The following NIN variants were observed in gnomAD, a reference collection of about 807,000 sequenced individuals.
NIN encodes the protein ninein.
Under a neutral mutation model 257.6 loss-of-function variants are expected in NIN, and 137 were observed. The ratio of observed to expected loss-of-function variants is 0.53; its 90% CI spans 0.46 to 0.61. The LOEUF is 0.61. NIN is among the 20% of genes least tolerant of loss of function. The probability of loss-of-function intolerance (pLI) is 0.00; values close to 1 mark genes in which losing one functional copy is unlikely to be tolerated. For missense variants in NIN, 2,439 were observed against 2,501.2 expected (o/e 0.98, Z 0.53); for synonymous variants, 918 against 919.8 (o/e 1.00, Z 0.04).
chr14:50,727,759 A>C, intron 29 of NIN: 1 of 1,421,090 alleles, frequency 7.0e-7, no homozygotes, highest in Non-Finnish European at 9.5e-7. Flanking sequence ...GGCCTAGAGA[A>C]AGAAGGCAAG....
Position 50,721,850 on chromosome 14 carries a change from A to G in NIN, c.*1613T>C, listed in dbSNP as rs552716109. 4.5e-6 allele frequency: 1 copy of G among 223,410 alleles called. No individual in the cohort carries two copies. The highest frequency in any genetic ancestry group is 8.9e-6 in the Non-Finnish European group (1 of 111,814). 13.8% of individuals were successfully genotyped at this position (223,410 alleles called of 1,614,324 possible). On this transcript the variant is annotated 3_prime_UTR_variant, in exon 31 of 31. Coordinates refer to ENST00000530997, the MANE Select transcript of NIN (RefSeq NM_020921.4). ...GAGGCCTCCTGGGTTGACCGGTGAG[A>G]CTCATAAGCCCCCAAGAAACCCTGA... is the stretch of plus-strand genomic sequence containing the variant.
intron 3 of NIN, among the ~76,000 whole-genome samples, chr14:50,809,775 C>T (rs1356734317): frequency 3.3e-5 from 5 of 152,142 alleles, no homozygotes; most frequent in Non-Finnish European, 4.4e-5. Flanking sequence ...TTACATGAGG[C>T]CTAAGTATCC....
In NIN at chr14:50,752,657, T is replaced by G; in HGVS notation, c.4811A>C (p.Gln1604Pro). ...TELSQKNSQN[Q>P]EKLQELNQRL... ...TTGATTAAGTTCTTGCAGTTTTTCC[T>G]GGTTTTGAGAGTTCTTTTGGCTAAG... The change falls in exon 21 of 31, where the codon CAG (glutamine) becomes CCG (proline). Residue 1604 changes from glutamine (Q) to proline (P), a missense_variant. By Grantham distance (76) the Gln-to-Pro change is moderately conservative. This residue lies in a region of NIN where 2,043 missense variants were observed against 2,050.2 expected (regional missense o/e 1.00). Transcript: ENST00000530997. 1 of 1,613,914 alleles carries G rather than the reference T, an allele frequency of 6.2e-7. No individual in the cohort carries two copies. The highest frequency in any genetic ancestry group is 8.5e-7 in the Non-Finnish European group (1 of 1,179,844).
In NIN at chr14:50,766,312, A is replaced by T; in HGVS notation, c.1630T>A (p.Cys544Ser). The T allele has an allele frequency of 1.2e-6, 2 of 1,613,538 alleles. No individual in the cohort carries two copies. The highest frequency in any genetic ancestry group is 1.7e-6 in the Non-Finnish European group (2 of 1,179,472). Residue 544 changes from cysteine (C) to serine (S), a missense_variant, in exon 14 of 31, where the codon TGC becomes AGC. Transcript: ENST00000530997. ...AGTTCTCTTTGTCTACCTACCCTGC[A>T]CTGCCGCTCATATTCATTTCTCATC... ...TQMRNEYERQ[C>S]RVLQDQVDEL...
At chr14:50,764,321 C>T (rs1476920467) in intron 14 of NIN, among the ~76,000 whole-genome samples, 2 of 152,284 alleles carry the variant, frequency 1.3e-5, no homozygotes, top group Admixed American at 6.5e-5. Context: ...CCATTTCACA[C>T]TTACTAGGGT....
chr14:50,723,249 T>C lies in NIN; in HGVS notation c.*214A>G, dbSNP rs2040304514. 4.8e-6 allele frequency: 2 copies of C among 412,732 alleles called. No individual in the cohort carries two copies. Among genetic ancestry groups the C allele is most frequent in the East Asian group, 7.3e-5 (2 of 27,446 alleles). 25.6% of individuals were successfully genotyped at this position (412,732 alleles called of 1,614,324 possible). A position where few individuals can be genotyped will look rare whatever the true frequency, so the allele number is the denominator to read the frequency against. ...GTGGCTATTAAAATTTTAAAATAAA[T>C]TCAAATCTTGGGAATAATTTAAGTA... On this transcript the variant is annotated 3_prime_UTR_variant, in exon 31 of 31. Coordinates refer to ENST00000530997, the MANE Select transcript of NIN (RefSeq NM_020921.4).
chr14:50,763,710 ATTC>A lies in NIN; in HGVS notation c.1774+113_1774+115del, dbSNP rs761576313. 5.3e-3 allele frequency: 4,578 copies of A among 862,608 alleles called. 50 individuals are homozygous for A. Among genetic ancestry groups the A allele is most frequent in the Middle Eastern group, 8.1e-3 (24 of 2,976 alleles). 53.4% of individuals were successfully genotyped at this position (862,608 alleles called of 1,614,324 possible). On this transcript the variant is annotated intron_variant, in intron 15 of 30. Coordinates refer to ENST00000530997, the MANE Select transcript of NIN (RefSeq NM_020921.4). ...CAGCTCAAGAAAAGAGTATGGCCAA[ATTC>A]TTTTTTTTTTTTTTCTTTTTTCAAG...
At chr14:50,741,487 TACATAC>T in intron 25 of NIN, 89 bp downstream of exon 25, 1 of 924,936 alleles carries the variant, frequency 1.1e-6, no homozygotes, top group Admixed American at 2.5e-5. Flanking sequence ...TATTTATATG[TACATAC>T]ATATACACAT....
At chr14:50,736,186 G>A (rs538412746) in intron 27 of NIN, among the ~76,000 whole-genome samples, 13 of 146,092 alleles carry the variant, frequency 8.9e-5, no homozygotes, top group African/African-American at 3.2e-4. Flanking sequence ...AGGCTGGAGT[G>A]CAGTGGCACA....
chr14:50,817,851 G>A (rs559697526), intron 3 of NIN, among the ~76,000 whole-genome samples: 2 of 152,050 alleles, frequency 1.3e-5, no homozygotes, highest in South Asian at 4.2e-4. Context: ...GAGTAGCTAG[G>A]ATTACCGGCG....
In NIN at chr14:50,770,763, C is replaced by T. The variant is rs902289647; in HGVS notation, c.1259+89G>A. On this transcript the variant is annotated intron_variant, in intron 11 of 30. Transcript: ENST00000530997. ...CCAACAGGCTGACCAGAAGAGTCCC[C>T]AGTGCACTGTTCTGCCCCTGCAGCT... 4.1e-6 allele frequency: 6 copies of T among 1,472,638 alleles called. No homozygotes were observed. The African/African-American group carries it at 8.4e-5, about 21-fold the overall frequency. 91.2% of individuals were successfully genotyped at this position (1,472,638 alleles called of 1,614,324 possible). A position where few individuals can be genotyped will look rare whatever the true frequency, so the allele number is the denominator to read the frequency against.
rs546598885 is a variant in NIN, at chr14:50,783,910, T to C, written c.436-5106A>G. ...GTGGCCTGTAGACACAGATCTGCCATGAGCACTAGAAGGACGATTATCACA... is the reference window on the plus strand; with the variant it reads ...GTGGCCTGTAGACACAGATCTGCCACGAGCACTAGAAGGACGATTATCACA... On this transcript the variant is annotated intron_variant, in intron 5 of 30. Coordinates refer to ENST00000530997, the MANE Select transcript of NIN (RefSeq NM_020921.4). 4.6e-5 allele frequency among the ~76,000 whole-genome samples: 7 copies of C among 152,118 alleles called. No homozygotes were observed. In the South Asian group the frequency reaches 1.2e-3, roughly 27 times the overall value.
intron 27 of NIN, among the ~76,000 whole-genome samples, chr14:50,737,939 C>T (rs2041076891): frequency 6.6e-6 from 1 of 152,094 alleles, no homozygotes; most frequent in Non-Finnish European, 1.5e-5. Flanking sequence ...GCCACCACAC[C>T]CGGCCAAACT....
chr14:50,756,870 CA>C lies in NIN; in HGVS notation c.4159del (p.Cys1387ValfsTer18). 4 of 1,552,684 alleles carry C rather than the reference CA, an allele frequency of 2.6e-6. No individual in the cohort carries two copies. Among genetic ancestry groups the C allele is most frequent in the Non-Finnish European group, 3.5e-6 (4 of 1,147,298 alleles). On this transcript the variant is annotated frameshift_variant, in exon 18 of 31. Transcript: ENST00000530997. LOFTEE classifies it high-confidence loss of function. Reference sequence around the variant, plus strand: ...CTCAAGGTACTGGTTTTCTTGCTTACATTCCTCTATGACATGATGTACACTC... The same window carrying C: ...CTCAAGGTACTGGTTTTCTTGCTTACTTCCTCTATGACATGATGTACACTC... ...VRSVHHVIEE[C>X]KQENQYLEGN...
chr14:50,723,543 C>G lies in NIN; in HGVS notation c.6322G>C (p.Glu2108Gln). The change falls in exon 31 of 31, where the codon GAG becomes CAG. Residue 2108 changes from glutamate to glutamine, a missense_variant. Coordinates refer to ENST00000530997, the MANE Select transcript of NIN (RefSeq NM_020921.4). ...TAEKKNYLLE[E>Q]KIASLSNIVR... ...ATATTACTGAGGCTGGCAATCTTCT[C>G]CTCCAGGAGGTAATTTTTCTTCTCT... 1 of 1,613,862 alleles carries G rather than the reference C, an allele frequency of 6.2e-7. No homozygotes were observed. Among genetic ancestry groups the G allele is most frequent in the South Asian group, 1.1e-5 (1 of 91,074 alleles).
chr14:50,786,882 C>T (rs1055249073), intron 5 of NIN, among the ~76,000 whole-genome samples: 1 of 152,186 alleles, frequency 6.6e-6, no homozygotes, highest in African/African-American at 2.4e-5. Context: ...GTTATGCATA[C>T]ATGAAAATGA....
chr14:50,785,634 A>G (rs1253682391), intron 5 of NIN, among the ~76,000 whole-genome samples: 2 of 152,232 alleles, frequency 1.3e-5, no homozygotes, highest in Admixed American at 6.5e-5. Context: ...AAGTCTCTGA[A>G]AACACCAGAA....
chr14:50,826,805 G>A (rs1000994657), intron 2 of NIN, among the ~76,000 whole-genome samples: 2 of 152,106 alleles, frequency 1.3e-5, no homozygotes, highest in Non-Finnish European at 2.9e-5. Context: ...CTTTTATTTC[G>A]CATCCAGATG....
chr14:50,739,321 T>G lies in NIN; in HGVS notation c.5615A>C (p.His1872Pro). The G allele has an allele frequency of 6.2e-7, 1 of 1,613,928 alleles. No individual in the cohort carries two copies. Among genetic ancestry groups the G allele is most frequent in the Non-Finnish European group, 8.5e-7 (1 of 1,179,946 alleles). The change falls in exon 26 of 31, where the codon CAC becomes CCC. Residue 1872 changes from histidine (H) to proline (P), a missense_variant. Around this residue, in one of 3 missense-constraint regions of NIN, gnomAD observed 2,043 missense variants for 2,050.2 expected, o/e 1.00. Coordinates refer to ENST00000530997, the MANE Select transcript of NIN (RefSeq NM_020921.4). ...TTCTCCAATTACCTTCTCCCGGGAG[T>G]GCGTGAGTTCGGCTTTGGTGTTCTG... ...MVQNTKAELT[H>P]SREKVRQLES...
Sources: allele counts gnomAD v4.1 joint callset (sites outside exome capture counted in the v4.1 genomes callset), GRCh38; gene constraint gnomAD v4.1.1; regional missense constraint gnomAD v4.1.1; transcripts MANE v1.5; gene names NCBI Gene and HGNC (gene_info 2026-07-23, HGNC 2026-07-21).